The following C2orf76 variants were observed in gnomAD, a reference collection of about 807,000 sequenced individuals.
C2orf76 encodes the protein UPF0538 protein C2orf76.
In C2orf76, 23 loss-of-function variants were observed where a neutral mutation model predicts 16.9. That is an observed-to-expected ratio of 1.36 (90% CI 0.98 to 1.93). C2orf76 has a LOEUF of 1.93. Ranked by LOEUF, C2orf76 falls within the 30% of genes most tolerant of loss-of-function variation. C2orf76 has a pLI of 0.00. For missense variants in C2orf76, 152 were observed against 152.6 expected (o/e 1.00, Z 0.02); for synonymous variants, 48 against 52.3 (o/e 0.92, Z 0.35).
At chr2:119,366,314 T>C in intron 1 of C2orf76, 1 of 410,960 alleles carries the variant, frequency 2.4e-6, no homozygotes. Flanking sequence ...TCCAAGTTTG[T>C]TAAATCAAGA....
At chr2:119,285,461 C>T in the C2orf76 span, among the ~76,000 whole-genome samples, 4 of 152,274 alleles carry the variant, frequency 2.6e-5, 1 homozygote, top group Middle Eastern at 3.4e-3. Flanking sequence ...GGGCTTTTTC[C>T]CAAGAGGATC....
intron 5 of C2orf76, among the ~76,000 whole-genome samples, chr2:119,307,435 T>TC (rs1369346962): frequency 8.4e-6 from 1 of 119,686 alleles, no homozygotes; most frequent in Admixed American, 7.4e-5. Flanking sequence ...AGAGACTCTG[T>TC]CTTAAAAAAA....
At chr2:119,351,576 C>T (rs952873213) in intron 1 of C2orf76, among the ~76,000 whole-genome samples, 8 of 152,048 alleles carry the variant, frequency 5.3e-5, no homozygotes, top group African/African-American at 1.9e-4. Context: ...CATAGCAAGA[C>T]TCTGTCTCTA....
At chr2:119,330,934 T>C (rs1558786335) in intron 2 of C2orf76, among the ~76,000 whole-genome samples, 1 of 152,234 alleles carries the variant, frequency 6.6e-6, no homozygotes, top group Non-Finnish European at 1.5e-5. Flanking sequence ...CTCTAGCTTC[T>C]CGAACATTTT....
chr2:119,358,963 A>G (rs1471196190), intron 1 of C2orf76, among the ~76,000 whole-genome samples: 4 of 152,344 alleles, frequency 2.6e-5, no homozygotes, highest in Middle Eastern at 3.4e-3. Context: ...AGATGAAGCC[A>G]TCTAGGATCT....
At chr2:119,338,179 G>A (rs1679911400) in intron 2 of C2orf76, among the ~76,000 whole-genome samples, 1 of 152,204 alleles carries the variant, frequency 6.6e-6, no homozygotes, top group African/African-American at 2.4e-5. Context: ...CTTTAGCTAA[G>A]GATTTTTTTT....
chr2:119,318,992 A>G (rs1307012394), intron 3 of C2orf76, among the ~76,000 whole-genome samples: 2 of 152,076 alleles, frequency 1.3e-5, no homozygotes, highest in African/African-American at 4.8e-5. Flanking sequence ...GTTGACTTTC[A>G]GCTTATCTAG....
chr2:119,289,893 C>T, the C2orf76 span, among the ~76,000 whole-genome samples: 1 of 151,958 alleles, frequency 6.6e-6, no homozygotes, highest in East Asian at 1.9e-4. Context: ...ACAGAGGCAC[C>T]GCTCTGCACC....
intron 2 of C2orf76, among the ~76,000 whole-genome samples, chr2:119,326,731 A>C (rs1371985252): frequency 3.3e-5 from 5 of 152,184 alleles, no homozygotes; most frequent in Non-Finnish European, 5.9e-5. Flanking sequence ...TTAGGTCTCT[A>C]AATTTCTCTC....
chr2:119,359,408 A>C (rs1348872811), intron 1 of C2orf76, among the ~76,000 whole-genome samples: 1 of 152,248 alleles, frequency 6.6e-6, no homozygotes, highest in Non-Finnish European at 1.5e-5. Flanking sequence ...TTATTATTTA[A>C]GAAAATACAT....
chr2:119,321,107 G>C, intron 3 of C2orf76, 47 bp downstream of exon 3: 1 of 996,000 alleles, frequency 1.0e-6, no homozygotes, highest in Non-Finnish European at 1.4e-6. Context: ...ACAAACTAAT[G>C]CAAAATTGTA....
At chr2:119,365,994 C>T (rs114165091) in intron 1 of C2orf76, among the ~76,000 whole-genome samples, 8 of 152,162 alleles carry the variant, frequency 5.3e-5, no homozygotes, top group East Asian at 3.9e-4. Flanking sequence ...TCCTTGCCCA[C>T]GCCTTTACAC....
chr2:119,308,513 C>T (rs13026347), intron 5 of C2orf76, among the ~76,000 whole-genome samples: 37,645 of 151,884 alleles, frequency 0.25, 5,196 homozygotes, highest in African/African-American at 0.36. Flanking sequence ...TGGTGGTGCA[C>T]ACCCATAATC....
chr2:119,361,072 T>C (rs754986729), intron 1 of C2orf76, among the ~76,000 whole-genome samples: 1 of 152,204 alleles, frequency 6.6e-6, no homozygotes, highest in African/African-American at 2.4e-5. Flanking sequence ...TGTCAATGTA[T>C]TGATTGTGTT....
intron 1 of C2orf76, among the ~76,000 whole-genome samples, chr2:119,363,240 C>G (rs1235558256): frequency 6.6e-6 from 1 of 152,018 alleles, no homozygotes; most frequent in Non-Finnish European, 1.5e-5. Context: ...CTGGCTAACA[C>G]AGTGAAACCC....
chr2:119,307,505 G>A (rs1449564171), intron 5 of C2orf76, among the ~76,000 whole-genome samples: 2 of 150,410 alleles, frequency 1.3e-5, no homozygotes, highest in Non-Finnish European at 3.0e-5. Context: ...AGAATTTTTT[G>A]TTGCTCTCCA....
At chr2:119,288,158 ATT>A in the C2orf76 span, among the ~76,000 whole-genome samples, 6 of 140,226 alleles carry the variant, frequency 4.3e-5, no homozygotes, top group South Asian at 2.3e-4. Context: ...TTATACTTCA[ATT>A]TTTTTTTTTT....
the C2orf76 span, among the ~76,000 whole-genome samples, chr2:119,289,217 C>G: frequency 2.6e-5 from 4 of 152,004 alleles, no homozygotes; most frequent in African/African-American, 9.7e-5. Context: ...GCAGAATGTG[C>G]GCTATGTCAG....
intron 1 of C2orf76, among the ~76,000 whole-genome samples, chr2:119,348,963 G>T (rs1168789561): frequency 6.6e-6 from 1 of 152,218 alleles, no homozygotes; most frequent in South Asian, 2.1e-4. Flanking sequence ...CTCCAGCCTG[G>T]GAGACAAAGC....
Sources: allele counts gnomAD v4.1 joint callset (sites outside exome capture counted in the v4.1 genomes callset), GRCh38; gene constraint gnomAD v4.1.1; transcripts MANE v1.5; gene names NCBI Gene and HGNC (gene_info 2026-07-23, HGNC 2026-07-21).